The following RPTOR variants were observed in gnomAD, a reference collection of about 807,000 sequenced individuals.
RPTOR encodes regulatory-associated protein of mTOR.
RPTOR carries 21 observed loss-of-function variants against 169.9 expected under a neutral mutation model. The observed-to-expected ratio is 0.12, with a 90% CI of 0.09 to 0.18. RPTOR has a LOEUF of 0.18. Ranked by LOEUF, RPTOR falls within the 10% of genes least tolerant of loss-of-function variation. The pLI, the probability that RPTOR is intolerant of heterozygous loss-of-function variation, is 1.00. For missense variants in RPTOR, 1,133 were observed against 1,855.9 expected, an observed-to-expected ratio of 0.61 and a Z score of 7.16; for synonymous variants, 732 against 753.2, an observed-to-expected ratio of 0.97 and a Z score of 0.46.
At chr17:80,711,832 C>G (rs1206488840) in intron 4 of RPTOR, among the ~76,000 whole-genome samples, 2 of 144,438 alleles carry the variant, frequency 1.4e-5, no homozygotes, top group Non-Finnish European at 3.0e-5. Flanking sequence ...CAGCGTCCGC[C>G]TCCTGGGTTC....
At chr17:80,801,721 G>C (rs2067159827) in intron 7 of RPTOR, 2 of 152,328 alleles carry the variant, frequency 1.3e-5, no homozygotes, top group Admixed American at 6.5e-5. Flanking sequence ...ATTAACGTCT[G>C]CCAGTCACTG....
intron 10 of RPTOR, among the ~76,000 whole-genome samples, chr17:80,840,650 TCTCACCACACCACAGCTCACTC>T (rs2067627057): frequency 2.0e-5 from 1 of 48,798 alleles, no homozygotes; most frequent in Non-Finnish European, 5.1e-5. Context: ...GGCAGCTCAC[TCTCACCACACCACAGCTCACTC>T]TCACCACACG....
chr17:80,916,787 G>T (rs2068678767), intron 21 of RPTOR, among the ~76,000 whole-genome samples: 1 of 152,132 alleles, frequency 6.6e-6, no homozygotes, highest in Non-Finnish European at 1.5e-5. Context: ...ATCACTTGAG[G>T]CCAGGAGTTC....
At chr17:80,885,464 G>A (rs1250290889) in intron 17 of RPTOR, among the ~76,000 whole-genome samples, 1 of 139,960 alleles carries the variant, frequency 7.1e-6, no homozygotes, top group Admixed American at 7.2e-5. Flanking sequence ...CACAGATGGC[G>A]GGAAGGTTTG....
At chr17:80,639,966 C>T (rs1268628397) in intron 2 of RPTOR, among the ~76,000 whole-genome samples, 1 of 152,252 alleles carries the variant, frequency 6.6e-6, no homozygotes, top group East Asian at 1.9e-4. Flanking sequence ...TAAACTTCAG[C>T]TTGCCCTTCT....
intron 9 of RPTOR, among the ~76,000 whole-genome samples, chr17:80,826,674 G>C (rs1036009772): frequency 6.6e-6 from 1 of 152,262 alleles, no homozygotes; most frequent in Non-Finnish European, 1.5e-5. Context: ...CCCATGGTTG[G>C]GTTTGACGGA....
At chr17:80,925,947 C>A (rs939060763) in intron 24 of RPTOR, among the ~76,000 whole-genome samples, 3 of 152,248 alleles carry the variant, frequency 2.0e-5, no homozygotes, top group African/African-American at 7.2e-5. Flanking sequence ...TGGCTGTGTT[C>A]CTGCAGGCTG....
At position 80,545,129 on chromosome 17, in the gene RPTOR, G is replaced by A. The variant is rs995630047; in HGVS notation, c.-501G>A. On this transcript the variant is annotated 5_prime_UTR_variant, in exon 1 of 34. Transcript: ENST00000306801. ...GCTCAGACGAGTGCGGGACCCGCAG[G>A]GCTGAGAGTGGCTGGAGGAGACCCA... The A allele has an allele frequency of 4.3e-6, 1 of 234,000 alleles. No homozygotes were observed. Among genetic ancestry groups the A allele is most frequent in the African/African-American group, 2.2e-5 (1 of 45,358 alleles). The allele number at this position is 234,000 out of a possible 1,614,324, so 14.5% of individuals were successfully genotyped here.
In RPTOR at chr17:80,922,715, TG is replaced by T; in HGVS notation, c.2521-8del. 6.3e-7 allele frequency: 1 copy of T among 1,578,884 alleles called. No homozygotes were observed. Among genetic ancestry groups the T allele is most frequent in the Non-Finnish European group, 8.6e-7 (1 of 1,165,492 alleles). ...TCTGACCTTCACACCCCCATTCCTT[TG>T]CCCCTAGGCCACCGTGAACGCCCGG... On this transcript the variant is annotated splice_polypyrimidine_tract_variant and splice_region_variant and intron_variant, in intron 21 of 33. Coordinates refer to ENST00000306801, the MANE Select transcript of RPTOR (RefSeq NM_020761.3).
At chr17:80,738,328 G>T (rs965912191) in intron 5 of RPTOR, among the ~76,000 whole-genome samples, 1 of 152,238 alleles carries the variant, frequency 6.6e-6, no homozygotes, top group African/African-American at 2.4e-5. Flanking sequence ...GAATGTGGCC[G>T]CCAAAGCTTT....
intron 3 of RPTOR, among the ~76,000 whole-genome samples, chr17:80,674,931 C>T (rs984426379): frequency 4.0e-5 from 6 of 151,866 alleles, no homozygotes; most frequent in African/African-American, 1.2e-4. Flanking sequence ...GGAAATGAAT[C>T]GTCCTGACGT....
chr17:80,930,380 GCTC>G (rs1567993718), intron 24 of RPTOR, among the ~76,000 whole-genome samples: 4 of 1,278 alleles, frequency 3.1e-3, no homozygotes, highest in African/African-American at 5.2e-3. Flanking sequence ...CTCATCCCCA[GCTC>G]AGCTCAGCTC....
rs140174234 is a variant in RPTOR, at chr17:80,761,698, A to G, written c.830+7513A>G. The stretch of plus-strand genomic sequence containing the variant: ...GATAGAGTTAACCATGTGTTCTCCA[A>G]GGAGTCTTCTAAAATACATCTGCTT... On this transcript the variant is annotated intron_variant, in intron 6 of 33. Transcript: ENST00000306801. Among the ~76,000 whole-genome samples, 56 of 152,338 alleles carry G rather than the reference A, an allele frequency of 3.7e-4. 1 individual carries two copies. Among genetic ancestry groups the G allele is most frequent in the African/African-American group, 1.3e-3 (53 of 41,556 alleles).
intron 1 of RPTOR, chr17:80,602,510 A>T: frequency 2.8e-6 from 1 of 354,378 alleles, no homozygotes; most frequent in Non-Finnish European, 5.3e-6. Flanking sequence ...GGTGGGGGGG[A>T]GTTTTATAAC....
At chr17:80,918,895 C>T (rs2068712237) in intron 21 of RPTOR, among the ~76,000 whole-genome samples, 1 of 152,162 alleles carries the variant, frequency 6.6e-6, no homozygotes. Context: ...CATCAGCACT[C>T]ATGTCTATGT....
rs377073063 is a variant in RPTOR, at chr17:80,738,545, G to C, written c.654+7839G>C. ...TTCACAGACACGTGTCATTAGCACAGGCAGCTTCCAGGGTGCAACTGAAGT... is the reference window on the plus strand; with the variant it reads ...TTCACAGACACGTGTCATTAGCACACGCAGCTTCCAGGGTGCAACTGAAGT... On this transcript the variant is annotated intron_variant, in intron 5 of 33. Transcript: ENST00000306801. Among the ~76,000 whole-genome samples the C allele has an allele frequency of 2.3e-3, 338 of 147,226 alleles. 3 individuals are homozygous for C. Among genetic ancestry groups the C allele is most frequent in the African/African-American group, 8.0e-3 (315 of 39,294 alleles).
At chr17:80,899,174 A>G (rs1160700690) in intron 20 of RPTOR, among the ~76,000 whole-genome samples, 1 of 152,246 alleles carries the variant, frequency 6.6e-6, no homozygotes, top group Non-Finnish European at 1.5e-5. Flanking sequence ...CCAAGTGCCC[A>G]GAAAGCGCAG....
Position 80,820,374 on chromosome 17 carries a change from A to G in RPTOR, c.891-1827A>G, listed in dbSNP as rs1598328774. 2.6e-5 allele frequency among the ~76,000 whole-genome samples: 4 copies of G among 152,252 alleles called. No individual in the cohort carries two copies. In the East Asian group the frequency reaches 7.7e-4, roughly 29 times the overall value. ...ACAAGTGTGTTGGGGCTCCATGTCC[A>G]CCCCACGATGCCCCCCGTGCCCCTT... On this transcript the variant is annotated intron_variant, in intron 7 of 33. Coordinates refer to ENST00000306801, the MANE Select transcript of RPTOR (RefSeq NM_020761.3). This position sits in a 1 kb window ranked among gnomAD's most constrained non-coding sequence, Gnocchi z 4.1.
At chr17:80,717,262 G>A (rs925767350) in intron 4 of RPTOR, among the ~76,000 whole-genome samples, 2 of 152,078 alleles carry the variant, frequency 1.3e-5, no homozygotes, top group African/African-American at 2.4e-5. Flanking sequence ...CCAGTCTTAT[G>A]TATATTGTCT....
Sources: allele counts gnomAD v4.1 joint callset (sites outside exome capture counted in the v4.1 genomes callset), GRCh38; gene constraint gnomAD v4.1.1; non-coding constraint Gnocchi (gnomAD v3.1); transcripts MANE v1.5; gene names NCBI Gene and HGNC (gene_info 2026-07-23, HGNC 2026-07-21).